The following ABTB2 variants were observed in gnomAD, a reference collection of about 807,000 sequenced individuals.
ABTB2 encodes ankyrin repeat and BTB/POZ domain-containing protein 2.
Under a neutral mutation model 104.1 loss-of-function variants are expected in ABTB2, and 56 were observed. The ratio of observed to expected loss-of-function variants is 0.54; its 90% CI spans 0.43 to 0.67. The LOEUF is 0.67. Ranked by LOEUF, ABTB2 falls within the 30% of genes least tolerant of loss-of-function variation. The pLI is 0.00. For missense variants in ABTB2, 1,279 were observed against 1,407.7 expected, an observed-to-expected ratio of 0.91 and a Z score of 1.46; for synonymous variants, 606 against 608.2, an observed-to-expected ratio of 1.00 and a Z score of 0.05.
chr11:34,213,086 T>C (rs1853503132), intron 1 of ABTB2, among the ~76,000 whole-genome samples: 1 of 152,134 alleles, frequency 6.6e-6, no homozygotes, highest in African/African-American at 2.4e-5. Context: ...GTGGAGTTGG[T>C]GTGGGGACTG....
Position 34,197,437 on chromosome 11 carries a change from T to A in ABTB2, c.1132A>T (p.Thr378Ser), listed in dbSNP as rs1476149210. Reference protein sequence around the residue: ...RQARQPPQPITWSPDALHTLY... With the variant: ...RQARQPPQPISWSPDALHTLY... Reference sequence around the variant, plus strand: ...GTGTGGAGGGCGTCGGGGGACCAAGTGATGGGCTGTGGCGGCTGGCGGGCC... The same window carrying A: ...GTGTGGAGGGCGTCGGGGGACCAAGAGATGGGCTGTGGCGGCTGGCGGGCC... Residue 378 changes from threonine to serine, a missense_variant, in exon 3 of 17, where the codon ACT becomes TCT. Coordinates refer to ENST00000435224, the MANE Select transcript of ABTB2 (RefSeq NM_145804.3). 1 of 1,604,092 alleles carries A rather than the reference T, an allele frequency of 6.2e-7. No homozygotes were observed. The highest frequency in any genetic ancestry group is 1.1e-5 in the South Asian group (1 of 90,428).
chr11:34,357,295 ACTC>A lies in ABTB2; in HGVS notation c.286_288del (p.Glu96del), dbSNP rs1855479848. On this transcript the variant is annotated inframe_deletion, in exon 1 of 17. Coordinates refer to ENST00000435224, the MANE Select transcript of ABTB2 (RefSeq NM_145804.3). The stretch of plus-strand genomic sequence containing the variant: ...GCCACGTCTCCTTCGGTCCAGGGGA[ACTC>A]CTCCAGCTCGGGGAGCCGCGGACAG... 3.3e-6 allele frequency: 5 copies of A among 1,509,172 alleles called. No individual in the cohort carries two copies. Among genetic ancestry groups the A allele is most frequent in the Non-Finnish European group, 4.4e-6 (5 of 1,125,764 alleles). 93.5% of individuals were successfully genotyped at this position (1,509,172 alleles called of 1,614,324 possible). A position where few individuals can be genotyped will look rare whatever the true frequency, so the allele number is the denominator to read the frequency against.
chr11:34,289,129 A>T (rs912984360), intron 1 of ABTB2, among the ~76,000 whole-genome samples: 2 of 152,230 alleles, frequency 1.3e-5, no homozygotes, highest in African/African-American at 4.8e-5. Flanking sequence ...AATCTAACAG[A>T]ATTCTTATGC....
chr11:34,180,584 T>C (rs1208471594), intron 3 of ABTB2, among the ~76,000 whole-genome samples: 1 of 152,222 alleles, frequency 6.6e-6, no homozygotes, highest in Non-Finnish European at 1.5e-5. Flanking sequence ...GGGCAGCACA[T>C]GAAATAGACC....
intron 1 of ABTB2, among the ~76,000 whole-genome samples, chr11:34,259,250 C>G (rs1854159844): frequency 6.6e-6 from 1 of 152,186 alleles, no homozygotes; most frequent in Non-Finnish European, 1.5e-5. Context: ...CTGGCCTGGG[C>G]TTTTGCTAGT....
Position 34,204,641 on chromosome 11 carries a change from C to T in ABTB2, c.933G>A (p.Leu311=), listed in dbSNP as rs779131527. Residue 311 remains leucine (L), a synonymous_variant, in exon 2 of 17, where the codon CTG becomes CTA. Coordinates refer to ENST00000435224, the MANE Select transcript of ABTB2 (RefSeq NM_145804.3). ...AYFSPYNGGS[L]GHDERADAYA... Reference sequence around the variant, plus strand: ...AGGCATCGGCTCGCTCGTCATGGCCCAGGGACCCGCCGTTGTAGGGGCTGA... The same window carrying T: ...AGGCATCGGCTCGCTCGTCATGGCCTAGGGACCCGCCGTTGTAGGGGCTGA... The T allele has an allele frequency of 1.4e-5, 22 of 1,611,556 alleles. No homozygotes were observed. Among genetic ancestry groups the T allele is most frequent in the Admixed American group, 1.3e-4 (8 of 59,804 alleles).
chr11:34,317,558 A>G (rs1217018135), intron 1 of ABTB2, among the ~76,000 whole-genome samples: 1 of 152,154 alleles, frequency 6.6e-6, no homozygotes, highest in African/African-American at 2.4e-5. Flanking sequence ...GGATCGCTTC[A>G]GTATAGGAGT....
At chr11:34,248,995 T>C (rs564188019) in intron 1 of ABTB2, among the ~76,000 whole-genome samples, 26 of 152,184 alleles carry the variant, frequency 1.7e-4, no homozygotes, top group Non-Finnish European at 3.2e-4. Context: ...CCGGGCGTGG[T>C]GGCACATGCT....
intron 1 of ABTB2, among the ~76,000 whole-genome samples, chr11:34,347,920 C>A (rs549657081): frequency 1.3e-5 from 2 of 152,314 alleles, no homozygotes; most frequent in African/African-American, 4.8e-5. Context: ...TTCTCTCACC[C>A]TGTTTTATGC....
Position 34,282,157 on chromosome 11 carries a change from G to A in ABTB2, c.883+74544C>T, listed in dbSNP as rs73497333. 1.1e-3 allele frequency among the ~76,000 whole-genome samples: 173 copies of A among 152,250 alleles called. 1 individual carries two copies. The highest frequency in any genetic ancestry group is 4.0e-3 in the African/African-American group (166 of 41,536). ...GCACTTTCTCCCTGCATCCTCACACGGTGGAAGAGCCGAAGCAGCTCTCTG... is the reference window on the plus strand; with the variant it reads ...GCACTTTCTCCCTGCATCCTCACACAGTGGAAGAGCCGAAGCAGCTCTCTG... On this transcript the variant is annotated intron_variant, in intron 1 of 16. Coordinates refer to ENST00000435224, the MANE Select transcript of ABTB2 (RefSeq NM_145804.3).
intron 1 of ABTB2, among the ~76,000 whole-genome samples, chr11:34,298,746 G>A (rs1327678771): frequency 1.3e-5 from 2 of 152,136 alleles, no homozygotes. Flanking sequence ...ATAGGTGTGA[G>A]CAACAGCACC....
intron 3 of ABTB2, among the ~76,000 whole-genome samples, chr11:34,178,537 T>G (rs1482661476): frequency 6.6e-6 from 1 of 152,226 alleles, no homozygotes; most frequent in African/African-American, 2.4e-5. Context: ...ATGACTGATG[T>G]GTGCACCATC....
chr11:34,194,775 GGTTTTTTT>G (rs1323615894), intron 3 of ABTB2, among the ~76,000 whole-genome samples: 1 of 68,678 alleles, frequency 1.5e-5, no homozygotes, highest in Admixed American at 1.1e-4. Flanking sequence ...TTAAAAATTT[GGTTTTTTT>G]TTTTTTTTCC....
At chr11:34,304,176 A>G (rs1040780321) in intron 1 of ABTB2, among the ~76,000 whole-genome samples, 3 of 152,166 alleles carry the variant, frequency 2.0e-5, no homozygotes, top group African/African-American at 7.2e-5. Context: ...ATAGGAAAAA[A>G]CATGGTATAT....
At chr11:34,302,055 T>C (rs1322739041) in intron 1 of ABTB2, among the ~76,000 whole-genome samples, 6 of 152,144 alleles carry the variant, frequency 3.9e-5, no homozygotes, top group African/African-American at 9.7e-5. Context: ...AGAAAATACA[T>C]AGAAGATAAA....
At chr11:34,182,810 T>C (rs1328586767) in intron 3 of ABTB2, among the ~76,000 whole-genome samples, 6 of 152,106 alleles carry the variant, frequency 3.9e-5, no homozygotes. Context: ...GCCCTGGACA[T>C]CTAGTGGCTC....
At chr11:34,178,588 T>C (rs1050390560) in intron 3 of ABTB2, among the ~76,000 whole-genome samples, 15 of 152,222 alleles carry the variant, frequency 9.9e-5, no homozygotes, top group African/African-American at 3.6e-4. Flanking sequence ...GCTTGTTGCG[T>C]TTCCCGTAGG....
intron 1 of ABTB2, among the ~76,000 whole-genome samples, chr11:34,291,776 G>T (rs780817671): frequency 1.3e-5 from 2 of 152,168 alleles, no homozygotes; most frequent in Non-Finnish European, 2.9e-5. Flanking sequence ...GATTACAGGC[G>T]TGAGCCACCA....
chr11:34,161,180 C>G (rs1185662227), intron 10 of ABTB2, 99 bp from the exon 11 acceptor site: 1 of 1,297,980 alleles, frequency 7.7e-7, no homozygotes, highest in East Asian at 2.7e-5. Context: ...GGGATGCCCC[C>G]GCTGTCTGCA....
Sources: allele counts gnomAD v4.1 joint callset (sites outside exome capture counted in the v4.1 genomes callset), GRCh38; gene constraint gnomAD v4.1.1; transcripts MANE v1.5; gene names NCBI Gene and HGNC (gene_info 2026-07-23, HGNC 2026-07-21).